Variants in SLC2A10 observed in about 807,000 individuals in gnomAD.
The protein encoded by SLC2A10 is solute carrier family 2, facilitated glucose transporter member 10.
Under a neutral mutation model 32.1 loss-of-function variants are expected in SLC2A10, and 25 were observed. The ratio of observed to expected loss-of-function variants is 0.78; its 90% CI spans 0.57 to 1.09. The LOEUF (loss-of-function observed/expected upper bound fraction) is 1.09, where lower values mean the gene tolerates loss of function less well. SLC2A10 is among the 50% of genes least tolerant of loss of function. The pLI, the probability that SLC2A10 is intolerant of heterozygous loss-of-function variation, is 0.00. For synonymous variants in SLC2A10, 332 were observed against 309.6 expected, an observed-to-expected ratio of 1.07 and a Z score of -0.76; for missense variants, 673 against 686.5, an observed-to-expected ratio of 0.98 and a Z score of 0.22.
chr20:46,723,238 C>T (rs1348862110), intron 1 of SLC2A10, among the ~76,000 whole-genome samples: 1 of 152,132 alleles, frequency 6.6e-6, no homozygotes, highest in Non-Finnish European at 1.5e-5. Context: ...AAGCTCCAGT[C>T]ATCACACCTG....
chr20:46,724,916 T>C (rs1166111529), intron 1 of SLC2A10, 125 bp from the exon 2 acceptor site: 18 of 1,237,248 alleles, frequency 1.5e-5, no homozygotes, highest in Non-Finnish European at 2.0e-5. Context: ...TTTGAATGGA[T>C]GGTTGAATAG....
chr20:46,712,195 G>T (rs1978951593), intron 1 of SLC2A10, among the ~76,000 whole-genome samples: 3 of 152,212 alleles, frequency 2.0e-5, no homozygotes, highest in Admixed American at 6.5e-5. Flanking sequence ...GGCTGCAATT[G>T]CTGGGACATT....
rs750216918 is a variant in SLC2A10, at chr20:46,726,227, G to C, written c.1191G>C (p.Gly397=). ...TGGCCCTGAGCTCTGCCCTCCCTGGGCCCCCTCTGCCCGCTCGGGGGCATG... is the reference window on the plus strand; with the variant it reads ...TGGCCCTGAGCTCTGCCCTCCCTGGCCCCCCTCTGCCCGCTCGGGGGCATG... ...PRLALSSALP[G]PPLPARGHAL... is the part of the protein sequence containing the mutation. Residue 397 remains glycine (G), a synonymous_variant, in exon 2 of 5, where the codon GGG becomes GGC. Coordinates refer to ENST00000359271, the MANE Select transcript of SLC2A10 (RefSeq NM_030777.4). 6.2e-7 allele frequency: 1 copy of C among 1,613,872 alleles called. No individual in the cohort carries two copies. The highest frequency in any genetic ancestry group is 8.5e-7 in the Non-Finnish European group (1 of 1,180,038).
Position 46,727,416 on chromosome 20 carries a change from G to A in SLC2A10, c.1411+430G>A, listed in dbSNP as rs185379729. The stretch of plus-strand genomic sequence containing the variant: ...GCTCACTGCAACCTCCACCTCCCGG[G>A]TTCAAACTATTCTCCTGCCTCAGTC... On this transcript the variant is annotated intron_variant, in intron 3 of 4. Coordinates refer to ENST00000359271, the MANE Select transcript of SLC2A10 (RefSeq NM_030777.4). Among the ~76,000 whole-genome samples, 445 of 152,232 alleles carry A rather than the reference G, an allele frequency of 2.9e-3. 3 individuals are homozygous for A. Among genetic ancestry groups the A allele is most frequent in the African/African-American group, 0.01 (431 of 41,528 alleles).
chr20:46,723,957 A>G (rs942538389), intron 1 of SLC2A10, among the ~76,000 whole-genome samples: 3 of 152,264 alleles, frequency 2.0e-5, no homozygotes, highest in Non-Finnish European at 4.4e-5. Context: ...TAAGGGCCAT[A>G]TAAGTACTAA....
At chr20:46,729,926 G>A (rs769905518) in intron 4 of SLC2A10, among the ~76,000 whole-genome samples, 1 of 152,026 alleles carries the variant, frequency 6.6e-6, no homozygotes, top group Non-Finnish European at 1.5e-5. Context: ...CACCGCGCCC[G>A]GCCGGCACTA....
At chr20:46,711,144 C>T (rs1473560396) in intron 1 of SLC2A10, among the ~76,000 whole-genome samples, 1 of 152,224 alleles carries the variant, frequency 6.6e-6, no homozygotes, top group African/African-American at 2.4e-5. Context: ...CAGGCGTGAG[C>T]CTCCGCGCCC....
chr20:46,709,680 G>A lies in SLC2A10; in HGVS notation c.-57G>A, dbSNP rs1479181185. 24 of 1,533,188 alleles carry A rather than the reference G, an allele frequency of 1.6e-5. No homozygotes were observed. Among genetic ancestry groups the A allele is most frequent in the Admixed American group, 2.0e-5 (1 of 50,034 alleles). 95.0% of individuals were successfully genotyped at this position (1,533,188 alleles called of 1,614,324 possible). ...CGGCAGCGGCGTTGGGGACTCCGGC[G>A]GGGGATGCGCGCCCGGCCCCTCAGC... On this transcript the variant is annotated 5_prime_UTR_variant, in exon 1 of 5. Transcript: ENST00000359271.
At chr20:46,714,893 GT>G (rs1979141498) in intron 1 of SLC2A10, among the ~76,000 whole-genome samples, 1 of 152,074 alleles carries the variant, frequency 6.6e-6, no homozygotes, top group Admixed American at 6.5e-5. Context: ...ATCCCTTGGG[GT>G]TTTCCTGAGA....
chr20:46,729,681 G>A (rs1221390061), intron 4 of SLC2A10, among the ~76,000 whole-genome samples, 193 bp downstream of exon 4: 1 of 120,146 alleles, frequency 8.3e-6, no homozygotes, highest in Non-Finnish European at 1.6e-5. Flanking sequence ...TCGCTCTGTT[G>A]CCCAGGCTGG....
Position 46,729,615 on chromosome 20 carries a change from G to A in SLC2A10, c.1547+127G>A, listed in dbSNP as rs992125010. ...TTCCTCCTGTCTTCCTTATTGCCTG[G>A]GCACTATGAGTTTTTTTTTTTTTTT... On this transcript the variant is annotated intron_variant, in intron 4 of 4. Coordinates refer to ENST00000359271, the MANE Select transcript of SLC2A10 (RefSeq NM_030777.4). 5 of 695,804 alleles carry A rather than the reference G, an allele frequency of 7.2e-6. No homozygotes were observed. In the African/African-American group the frequency reaches 9.6e-5, roughly 13 times the overall value. 43.1% of individuals were successfully genotyped at this position (695,804 alleles called of 1,614,324 possible). A position where few individuals can be genotyped will look rare whatever the true frequency, so the allele number is the denominator to read the frequency against.
intron 1 of SLC2A10, among the ~76,000 whole-genome samples, chr20:46,718,280 C>T (rs60338038): frequency 0.013 from 2,009 of 151,952 alleles, 37 homozygotes; most frequent in African/African-American, 0.036. Flanking sequence ...TCTTATGGCG[C>T]CTTCATTATT....
intron 1 of SLC2A10, among the ~76,000 whole-genome samples, chr20:46,723,559 G>A: frequency 6.6e-6 from 1 of 152,184 alleles, no homozygotes; most frequent in East Asian, 1.9e-4. Context: ...TTTGTTTCCT[G>A]TTGGGACTCA....
chr20:46,730,712 G>A (rs570040692), intron 4 of SLC2A10, among the ~76,000 whole-genome samples: 2 of 151,996 alleles, frequency 1.3e-5, no homozygotes, highest in African/African-American at 4.8e-5. Context: ...GGTTATTGAG[G>A]GGAGTTCAGA....
At chr20:46,726,775 C>A in intron 2 of SLC2A10, 89 bp from the exon 3 acceptor site, 1 of 1,559,932 alleles carries the variant, frequency 6.4e-7, no homozygotes, top group South Asian at 1.1e-5. Context: ...CTAGAAAATC[C>A]CATTGTTGAG....
At position 46,729,641 on chromosome 20, in the gene SLC2A10, T is replaced by G. The variant is rs1430966603; in HGVS notation, c.1547+153T>G. On this transcript the variant is annotated intron_variant, in intron 4 of 4. Coordinates refer to ENST00000359271, the MANE Select transcript of SLC2A10 (RefSeq NM_030777.4). ...GCACTATGAGTTTTTTTTTTTTTTT[T>G]TTTTTTTTTTTTTTTTTTGAGATGG... Among the ~76,000 whole-genome samples, 1,093 of 49,684 alleles carry G rather than the reference T, an allele frequency of 0.022. 18 individuals are homozygous for G. Among genetic ancestry groups the G allele is most frequent in the African/African-American group, 0.051 (1,034 of 20,178 alleles). 32.6% of individuals were successfully genotyped at this position (49,684 alleles called of 152,430 possible).
intron 3 of SLC2A10, 78 bp downstream of exon 3, chr20:46,727,064 C>G: frequency 6.5e-7 from 1 of 1,545,818 alleles, no homozygotes; most frequent in South Asian, 1.1e-5. Flanking sequence ...TTTGGATTTT[C>G]CTATGTATTA....
intron 1 of SLC2A10, among the ~76,000 whole-genome samples, chr20:46,718,852 T>C (rs1047423358): frequency 6.6e-6 from 1 of 152,208 alleles, no homozygotes; most frequent in Non-Finnish European, 1.5e-5. Context: ...CATAGCTCAC[T>C]GCAGCCTCGA....
Position 46,726,920 on chromosome 20 carries a change from G to A in SLC2A10, c.1345G>A (p.Ala449Thr), listed in dbSNP as rs1224390882. Residue 449 changes from alanine to threonine, a missense_variant, in exon 3 of 5, where the codon GCC becomes ACC. By Grantham distance (58) the Ala-to-Thr change is moderately conservative (BLOSUM62 0). Transcript: ENST00000359271. ...TGTGGAGATACGAGGAAGAGCCTTC[G>A]CCTTCTGCAACAGCTTCAACTGGGC... ...YPVEIRGRAF[A>T]FCNSFNWAAN... is the part of the protein sequence containing the mutation. The A allele has an allele frequency of 3.1e-6, 5 of 1,613,996 alleles. No individual in the cohort carries two copies. Among genetic ancestry groups the A allele is most frequent in the East Asian group, 2.2e-5 (1 of 44,888 alleles).
Sources: allele counts gnomAD v4.1 joint callset (sites outside exome capture counted in the v4.1 genomes callset), GRCh38; gene constraint gnomAD v4.1.1; transcripts MANE v1.5; gene names NCBI Gene and HGNC (gene_info 2026-07-23, HGNC 2026-07-21).